The following EXOC3L2 variants were observed in gnomAD, a reference collection of about 807,000 sequenced individuals.
EXOC3L2 encodes the protein exocyst complex component 3-like protein 2.
EXOC3L2 carries 17 observed loss-of-function variants against 44.4 expected under a neutral mutation model. That is an observed-to-expected ratio of 0.38 (90% CI 0.26 to 0.57). EXOC3L2 has a LOEUF of 0.57. Ranked by LOEUF, EXOC3L2 falls within the 20% of genes least tolerant of loss-of-function variation. The pLI, the probability that EXOC3L2 is intolerant of heterozygous loss-of-function variation, is 0.65. For missense variants in EXOC3L2, 541 were observed against 588.4 expected, an observed-to-expected ratio of 0.92 and a Z score of 0.83; for synonymous variants, 256 against 253.7, an observed-to-expected ratio of 1.01 and a Z score of -0.09.
intron 4 of EXOC3L2, among the ~76,000 whole-genome samples, chr19:45,229,786 G>A (rs1970010207): frequency 6.7e-6 from 1 of 149,530 alleles, no homozygotes; most frequent in African/African-American, 2.4e-5. Flanking sequence ...AGGAGGTTGC[G>A]GTGAGCCGAG....
Position 45,212,769 on chromosome 19 carries a change from T to C in EXOC3L2, c.*300A>G, listed in dbSNP as rs910227976. 4 of 299,168 alleles carry C rather than the reference T, an allele frequency of 1.3e-5. No homozygotes were observed. Among genetic ancestry groups the C allele is most frequent in the African/African-American group, 6.6e-5 (3 of 45,570 alleles). 18.5% of individuals were successfully genotyped at this position (299,168 alleles called of 1,614,324 possible). On this transcript the variant is annotated 3_prime_UTR_variant, in exon 12 of 12. Transcript: ENST00000413988. Reference sequence around the variant, plus strand: ...ACCACCGTGCCCAGCTAATTTTTTATTTTTTGTAGAGATAGGGGGCAGGTC... The same window carrying C: ...ACCACCGTGCCCAGCTAATTTTTTACTTTTTGTAGAGATAGGGGGCAGGTC...
At chr19:45,244,482 C>T (rs1035255772) in intron 1 of EXOC3L2, among the ~76,000 whole-genome samples, 1 of 152,162 alleles carries the variant, frequency 6.6e-6, no homozygotes, top group African/African-American at 2.4e-5. Context: ...TTTCCCCTTC[C>T]TGGCTCCAAC....
rs1338788751 is a variant in EXOC3L2 at position 45,238,263 on chromosome 19, G to A, written c.523+260C>T. ...GGGAGTAGGGCTGAAGACGGCAGGT[G>A]GAGGAGGCAAAGATTGAGGGTGGGC... On this transcript the variant is annotated intron_variant, in intron 2 of 11. Transcript: ENST00000413988. This position sits in a 1 kb window ranked among gnomAD's most constrained non-coding sequence, Gnocchi z 5.5. Among the ~76,000 whole-genome samples the A allele has an allele frequency of 6.6e-6, 1 of 152,200 alleles. No homozygotes were observed.
Position 45,228,231 on chromosome 19 carries a change from C to A in EXOC3L2, c.1305G>T (p.Gln435His), listed in dbSNP as rs1969988155. The stretch of plus-strand genomic sequence containing the variant: ...GGCTCCCCCAGTGCTCTTCGTCCTC[C>A]TGCAGCACACGGAGAAGGGCAGCCC... ...QTRAALLRVL[Q>H]EDEEHWGSLE... Residue 435 changes from glutamine (Q) to histidine (H), a missense_variant, in exon 5 of 12, where the codon CAG (glutamine) becomes CAT (histidine). Physicochemically the swap from Gln to His is conservative, Grantham distance 24 (BLOSUM62 0). Transcript: ENST00000413988. 2.5e-6 allele frequency: 4 copies of A among 1,613,978 alleles called. No individual in the cohort carries two copies. In the Admixed American group the frequency reaches 6.7e-5, roughly 27 times the overall value.
rs1383514223 is a variant in EXOC3L2 at position 45,238,639 on chromosome 19, C to T, written c.407G>A (p.Arg136His). ...GGACGCACGCTGGGGCTTGGATCCA[C>T]GCCCCAGTCTCAGGAAGGCCAGTCT... Reference protein sequence around the residue: ...ARRLAFLRLGRGSKPQRASLA... With the variant: ...ARRLAFLRLGHGSKPQRASLA... The change falls in exon 2 of 12, where the codon CGT (arginine) becomes CAT (histidine). Residue 136 changes from arginine to histidine, a missense_variant. Coordinates refer to ENST00000413988, the MANE Select transcript of EXOC3L2 (RefSeq NM_001382422.1). The surrounding 1 kb of genome is among the most constrained non-coding windows in gnomAD (Gnocchi z 5.5). 20 of 399,116 alleles carry T rather than the reference C, an allele frequency of 5.0e-5. No homozygotes were observed. Among genetic ancestry groups the T allele is most frequent in the East Asian group, 7.1e-5 (2 of 28,080 alleles). 24.7% of individuals were successfully genotyped at this position (399,116 alleles called of 1,614,324 possible).
chr19:45,235,020 G>A (rs1218710521), intron 2 of EXOC3L2, among the ~76,000 whole-genome samples, 194 bp from the exon 3 acceptor site: 3 of 152,154 alleles, frequency 2.0e-5, no homozygotes, highest in Admixed American at 2.0e-4. Flanking sequence ...TAGGGGAGGG[G>A]TCAGGGTGAG....
In EXOC3L2 at chr19:45,224,866, G is replaced by A. The variant is rs749004945; in HGVS notation, c.1631C>T (p.Pro544Leu). ...LARVGPPESE[P>L]AREASASALD... is the part of the protein sequence containing the mutation. ...AGCACTAGCAGATGCTTCCCGGGCC[G>A]GCTCGCTTTCTGGGGGCCCCACCCG... The change falls in exon 8 of 12, where the codon CCG becomes CTG. Residue 544 changes from proline to leucine, a missense_variant. Physicochemically the swap from Pro to Leu is moderately conservative, Grantham distance 98. Transcript: ENST00000413988. 19 of 1,577,794 alleles carry A rather than the reference G, an allele frequency of 1.2e-5. No individual in the cohort carries two copies. The highest frequency in any genetic ancestry group is 6.9e-5 in the South Asian group (6 of 86,722).
intron 1 of EXOC3L2, among the ~76,000 whole-genome samples, chr19:45,244,037 C>T (rs1970150581): frequency 1.3e-5 from 2 of 152,116 alleles, no homozygotes; most frequent in East Asian, 3.8e-4. Context: ...AATCCTCCCA[C>T]CTCAACCTCC....
chr19:45,224,843 C>A lies in EXOC3L2; in HGVS notation c.1654G>T (p.Ala552Ser). 6.3e-7 allele frequency: 1 copy of A among 1,591,616 alleles called. No homozygotes were observed. The highest frequency in any genetic ancestry group is 8.6e-7 in the Non-Finnish European group (1 of 1,169,546). The change falls in exon 8 of 12, where the codon GCT becomes TCT. Residue 552 changes from alanine to serine, a missense_variant. Transcript: ENST00000413988. Reference protein sequence around the residue: ...SEPAREASASALDHVTRLCHR... With the variant: ...SEPAREASASSLDHVTRLCHR... ...CAGAGCCGGGTCACATGGTCCAGAG[C>A]ACTAGCAGATGCTTCCCGGGCCGGC...
In EXOC3L2 at chr19:45,234,858, G is replaced by A. The variant is rs1377447440; in HGVS notation, c.524-32C>T. 8 of 389,960 alleles carry A rather than the reference G, an allele frequency of 2.1e-5. No homozygotes were observed. Among genetic ancestry groups the A allele is most frequent in the Non-Finnish European group, 3.2e-5 (7 of 220,318 alleles). 24.2% of individuals were successfully genotyped at this position (389,960 alleles called of 1,614,324 possible). The stretch of plus-strand genomic sequence containing the variant: ...GAGCAAAGCGGGAGGTCAGCAGTGC[G>A]CGGGGGGGAGGAGGGCGATGCCGGA... On this transcript the variant is annotated intron_variant, in intron 2 of 11. Transcript: ENST00000413988. The surrounding 1 kb of genome is among the most constrained non-coding windows in gnomAD (Gnocchi z 5.0).
intron 4 of EXOC3L2, among the ~76,000 whole-genome samples, chr19:45,228,632 C>A (rs981203352): frequency 6.6e-6 from 1 of 151,888 alleles, no homozygotes; most frequent in Non-Finnish European, 1.5e-5. Context: ...ATTAGCTGGG[C>A]GTGGTGGTGC....
rs998905197 is a variant in EXOC3L2 at position 45,215,936 on chromosome 19, G to A, written c.2120+137C>T. 2.4e-5 allele frequency: 30 copies of A among 1,254,708 alleles called. No individual in the cohort carries two copies. The African/African-American group carries it at 3.6e-4, about 15-fold the overall frequency. 77.7% of individuals were successfully genotyped at this position (1,254,708 alleles called of 1,614,324 possible). A position where few individuals can be genotyped will look rare whatever the true frequency, so the allele number is the denominator to read the frequency against. On this transcript the variant is annotated intron_variant, in intron 11 of 11. Coordinates refer to ENST00000413988, the MANE Select transcript of EXOC3L2 (RefSeq NM_001382422.1). ...GGGAAATCTTATTAATAATGCCCTG[G>A]TTCCAGCAGGAAACGGCCGTCAGAC... is the stretch of plus-strand genomic sequence containing the variant.
rs923923390 is a variant in EXOC3L2, at chr19:45,216,060, C to T, written c.2120+13G>A. On this transcript the variant is annotated intron_variant, in intron 11 of 11. Coordinates refer to ENST00000413988, the MANE Select transcript of EXOC3L2 (RefSeq NM_001382422.1). ...CAGGCACGGCGAGCCCTGGCCCAGG[C>T]GGGGTGTCTCACCTGATGTCTGGGT... 8.1e-6 allele frequency: 13 copies of T among 1,613,020 alleles called. No homozygotes were observed. Among genetic ancestry groups the T allele is most frequent in the African/African-American group, 1.3e-5 (1 of 75,022 alleles).
rs1970102209 is a variant in EXOC3L2, at chr19:45,238,426, T to C, written c.523+97A>G. On this transcript the variant is annotated intron_variant, in intron 2 of 11. Transcript: ENST00000413988. The surrounding 1 kb of genome is among the most constrained non-coding windows in gnomAD (Gnocchi z 5.5). ...GCAGGTCGGGGTCACAGGTGGTAGC[T>C]GGGATGGGCTTAAGTATGAAGCCTG... The C allele has an allele frequency of 5.0e-6, 2 of 399,246 alleles. No homozygotes were observed. The highest frequency in any genetic ancestry group is 2.1e-5 in the African/African-American group (1 of 48,574). The allele number at this position is 399,246 out of a possible 1,614,324, so 24.7% of individuals were successfully genotyped here.
chr19:45,221,573 C>T (rs1400769768), intron 8 of EXOC3L2, among the ~76,000 whole-genome samples: 1 of 150,044 alleles, frequency 6.7e-6, no homozygotes, highest in Non-Finnish European at 1.5e-5. Context: ...GGTCTCTTGA[C>T]CTTGTGATCT....
In EXOC3L2 at chr19:45,236,465, C is replaced by CAAA. The variant is rs34024056; in HGVS notation, c.524-1642_524-1640dup. Among the ~76,000 whole-genome samples, 275 of 44,830 alleles carry CAAA rather than the reference C, an allele frequency of 6.1e-3. 11 individuals are homozygous for CAAA. Among genetic ancestry groups the CAAA allele is most frequent in the South Asian group, 0.026 (22 of 832 alleles). The allele number at this position is 44,830 out of a possible 152,430, so 29.4% of individuals were successfully genotyped here. A position where few individuals can be genotyped will look rare whatever the true frequency, so the allele number is the denominator to read the frequency against. ...TGGATGACAGAGCTAGACTCCATCTCAAAAAAAAAAAAAAAAAAAAAAAAG... is the reference window on the plus strand; with the variant it reads ...TGGATGACAGAGCTAGACTCCATCTCAAAAAAAAAAAAAAAAAAAAAAAAAAAG... On this transcript the variant is annotated intron_variant, in intron 2 of 11. Transcript: ENST00000413988.
At chr19:45,218,443 G>A (rs1240852468) in intron 8 of EXOC3L2, 124 bp from the exon 9 acceptor site, 7 of 1,245,416 alleles carry the variant, frequency 5.6e-6, no homozygotes, top group African/African-American at 4.5e-5. Flanking sequence ...GAACACAAGG[G>A]GAAGAGATAG....
In EXOC3L2 at chr19:45,213,148, G is replaced by A; in HGVS notation, c.2330C>T (p.Ser777Phe). ...GGCCAAACTGGGCCTGGCCAGCCGG[G>A]AGAGGGGGAGGCGGCCCAGGAAGAG... ...LPLFLGRLPL[S>F]RLARPSLACL... is the part of the protein sequence containing the mutation. The change falls in exon 12 of 12, where the codon TCC (serine) becomes TTC (phenylalanine). Residue 777 changes from serine (S) to phenylalanine (F), a missense_variant. Coordinates refer to ENST00000413988, the MANE Select transcript of EXOC3L2 (RefSeq NM_001382422.1). The A allele has an allele frequency of 6.3e-7, 1 of 1,588,864 alleles. No individual in the cohort carries two copies. Among genetic ancestry groups the A allele is most frequent in the Non-Finnish European group, 8.6e-7 (1 of 1,168,284 alleles).
intron 8 of EXOC3L2, 89 bp downstream of exon 8, chr19:45,224,689 C>T: frequency 3.4e-6 from 5 of 1,458,842 alleles, no homozygotes; most frequent in Admixed American, 4.8e-5. Flanking sequence ...AAACACTGAG[C>T]CATGGGCTAA....
Sources: gnomAD v4.1 joint callset for allele counts (sites outside exome capture counted in the v4.1 genomes callset) on GRCh38, gnomAD v4.1.1 for gene constraint, Gnocchi (gnomAD v3.1) non-coding constraint, MANE v1.5 for transcripts, NCBI Gene and HGNC (gene_info 2026-07-23, HGNC 2026-07-21) for gene names.